Variants in CACNA1E observed in about 807,000 individuals in gnomAD.
CACNA1E encodes the protein calcium voltage-gated channel subunit alpha1 E.
Under a neutral mutation model 259.2 loss-of-function variants are expected in CACNA1E, and 40 were observed. The observed-to-expected ratio is 0.15, with a 90% CI of 0.12 to 0.20. The LOEUF (loss-of-function observed/expected upper bound fraction) is 0.20, where lower values mean the gene tolerates loss of function less well. Among genes scored for constraint, CACNA1E ranks in the 10% least tolerant of loss-of-function variants. The pLI, the probability that CACNA1E is intolerant of heterozygous loss-of-function variation, is 1.00. For missense variants in CACNA1E, 1,874 were observed against 3,040.1 expected, an observed-to-expected ratio of 0.62 and a Z score of 9.02; for synonymous variants, 1,104 against 1,138.5, an observed-to-expected ratio of 0.97 and a Z score of 0.61.
At chr1:181,654,308 G>A (rs1458470522) in intron 7 of CACNA1E, among the ~76,000 whole-genome samples, 1 of 151,088 alleles carries the variant, frequency 6.6e-6, no homozygotes, top group Non-Finnish European at 1.5e-5. Context: ...AAATATAAAG[G>A]TAATACATAT....
chr1:181,371,239 T>G (rs1240071930), intron 1 of CACNA1E, among the ~76,000 whole-genome samples: 2 of 152,194 alleles, frequency 1.3e-5, no homozygotes, highest in Non-Finnish European at 1.5e-5. Context: ...GATGTCTTCT[T>G]TTGCTGTGCA....
At chr1:181,655,585 T>A (rs1031917020) in intron 7 of CACNA1E, among the ~76,000 whole-genome samples, 1 of 152,204 alleles carries the variant, frequency 6.6e-6, no homozygotes, top group Non-Finnish European at 1.5e-5. Context: ...TACTGGTGAA[T>A]GTGAGTCACT....
intron 6 of CACNA1E, among the ~76,000 whole-genome samples, chr1:181,629,679 C>A (rs199946): frequency 0.77 from 116,480 of 152,032 alleles, 45,634 homozygotes; most frequent in East Asian, 0.94. Context: ...AGCCTCTATA[C>A]ATTTATAAGA....
intron 2 of CACNA1E, among the ~76,000 whole-genome samples, chr1:181,467,874 T>C (rs1424496622): frequency 6.6e-6 from 1 of 152,218 alleles, no homozygotes; most frequent in East Asian, 1.9e-4. Flanking sequence ...GGAAACATTT[T>C]TGATTGTCAC....
chr1:181,570,818 C>T (rs527994729), intron 3 of CACNA1E, among the ~76,000 whole-genome samples: 16 of 152,338 alleles, frequency 1.1e-4, no homozygotes, highest in Admixed American at 2.0e-4. Flanking sequence ...TTATTCTTTC[C>T]ACCACCAGAT....
chr1:181,456,457 T>G (rs764478548), intron 2 of CACNA1E, among the ~76,000 whole-genome samples: 3 of 152,202 alleles, frequency 2.0e-5, no homozygotes, highest in Non-Finnish European at 4.4e-5. Flanking sequence ...GGTATTCCCT[T>G]GGCACATACT....
In CACNA1E at chr1:181,736,580, TG is replaced by T. The variant is rs1248912004; in HGVS notation, c.3422+150del. 1.2e-5 allele frequency: 9 copies of T among 744,100 alleles called. No individual in the cohort carries two copies. In the African/African-American group the frequency reaches 1.6e-4, roughly 13 times the overall value. The allele number at this position is 744,100 out of a possible 1,614,324, so 46.1% of individuals were successfully genotyped here. ...GGAGCATGGCCAGACATTGAGCATC[TG>T]GGGTGCCCCCTAAGTGAGGTGGGTT... On this transcript the variant is annotated intron_variant, in intron 22 of 47. Coordinates refer to ENST00000367573, the MANE Select transcript of CACNA1E (RefSeq NM_001205293.3).
chr1:181,730,785 A>G (rs75992555), intron 18 of CACNA1E, among the ~76,000 whole-genome samples: 3 of 152,330 alleles, frequency 2.0e-5, no homozygotes, highest in Non-Finnish European at 4.4e-5. Flanking sequence ...AGCCCTAGAA[A>G]TGACTCGGGG....
chr1:181,682,937 C>T (rs139884002), intron 7 of CACNA1E, among the ~76,000 whole-genome samples: 450 of 152,276 alleles, frequency 3.0e-3, no homozygotes, highest in African/African-American at 0.01. Flanking sequence ...GAGATTTGGG[C>T]GGGAACACAG....
At chr1:181,418,430 C>G (rs1658446791) in intron 2 of CACNA1E, among the ~76,000 whole-genome samples, 1 of 152,200 alleles carries the variant, frequency 6.6e-6, no homozygotes, top group Non-Finnish European at 1.5e-5. Context: ...CTGTTCTCTT[C>G]TCACCAGTGC....
At chr1:181,656,205 G>T (rs1472494186) in intron 7 of CACNA1E, among the ~76,000 whole-genome samples, 2 of 152,044 alleles carry the variant, frequency 1.3e-5, no homozygotes, top group Non-Finnish European at 2.9e-5. Flanking sequence ...ACAGTCTGAG[G>T]CAGGTTCCTC....
intron 3 of CACNA1E, among the ~76,000 whole-genome samples, chr1:181,519,040 C>T (rs1276361420): frequency 6.6e-6 from 1 of 152,150 alleles, no homozygotes; most frequent in Non-Finnish European, 1.5e-5. Context: ...AGACCGTTCT[C>T]CTGGGCCTGG....
At chr1:181,595,288 TG>T (rs1172839849) in intron 6 of CACNA1E, among the ~76,000 whole-genome samples, 2 of 152,182 alleles carry the variant, frequency 1.3e-5, no homozygotes, top group Admixed American at 1.3e-4. Flanking sequence ...CCACTGCCTC[TG>T]AAGGTACTTC....
rs576718965 is a variant in CACNA1E at position 181,727,465 on chromosome 1, GA to G, written c.2240+1304del. Among the ~76,000 whole-genome samples the G allele has an allele frequency of 2.5e-3, 379 of 152,360 alleles. 4 individuals carry two copies. Among genetic ancestry groups the G allele is most frequent in the African/African-American group, 8.7e-3 (363 of 41,572 alleles). ...ATGAAAGCTGTTAGTGACCTTACAA[GA>G]GCCATTTTCGTGGCCAGGTTGGAAC... On this transcript the variant is annotated intron_variant, in intron 18 of 47. Coordinates refer to ENST00000367573, the MANE Select transcript of CACNA1E (RefSeq NM_001205293.3).
At chr1:181,422,282 C>T (rs1158298905) in intron 2 of CACNA1E, among the ~76,000 whole-genome samples, 3 of 152,232 alleles carry the variant, frequency 2.0e-5, no homozygotes, top group Admixed American at 1.3e-4. Flanking sequence ...TCCATATCCC[C>T]AGTGCTGAGG....
chr1:181,629,657 G>A (rs1047553275), intron 6 of CACNA1E, among the ~76,000 whole-genome samples: 2 of 151,944 alleles, frequency 1.3e-5, no homozygotes, highest in South Asian at 2.1e-4. Context: ...TCTAATATAA[G>A]TATATATAAA....
chr1:181,379,780 A>C (rs1655337661), intron 1 of CACNA1E, among the ~76,000 whole-genome samples: 1 of 152,124 alleles, frequency 6.6e-6, no homozygotes. Context: ...TATGAATTTG[A>C]GGGGGACAGG....
At chr1:181,502,858 C>A (rs1239867893) in intron 1 of CACNA1E, among the ~76,000 whole-genome samples, 1 of 152,170 alleles carries the variant, frequency 6.6e-6, no homozygotes, top group Non-Finnish European at 1.5e-5. Context: ...ACCACCATGT[C>A]TGGCTAATTT....
intron 3 of CACNA1E, among the ~76,000 whole-genome samples, chr1:181,569,274 A>G (rs566908244): frequency 7.2e-5 from 11 of 152,282 alleles, no homozygotes; most frequent in African/African-American, 2.6e-4. Context: ...ATTGTAGAGT[A>G]AGTCTTGGGC....
Sources: gnomAD v4.1 joint callset for allele counts (sites outside exome capture counted in the v4.1 genomes callset) on GRCh38, gnomAD v4.1.1 for gene constraint, MANE v1.5 for transcripts, NCBI Gene and HGNC (gene_info 2026-07-23, HGNC 2026-07-21) for gene names.